The following MYO1H variants were observed in gnomAD, a reference collection of about 807,000 sequenced individuals.
MYO1H encodes the protein myosin IH.
MYO1H carries 118 observed loss-of-function variants against 149.3 expected under a neutral mutation model. The ratio of observed to expected loss-of-function variants is 0.79; its 90% CI spans 0.68 to 0.92. The LOEUF (loss-of-function observed/expected upper bound fraction) is 0.92. Ranked by LOEUF, MYO1H falls within the 40% of genes least tolerant of loss-of-function variation. The probability of loss-of-function intolerance (pLI) is 0.00; values close to 1 mark genes in which losing one functional copy is unlikely to be tolerated. For missense variants in MYO1H, 1,212 were observed against 1,280.7 expected, an observed-to-expected ratio of 0.95 and a Z score of 0.82; for synonymous variants, 447 against 465.2, an observed-to-expected ratio of 0.96 and a Z score of 0.50.
rs773752606 is a variant in MYO1H at position 109,421,041 on chromosome 12, T to C, written c.1644+14T>C. On this transcript the variant is annotated intron_variant, in intron 16 of 31. Coordinates refer to ENST00000310903, the Ensembl canonical transcript of MYO1H. ...CATCTGAAAGAAGTAAGTCTGACAC[T>C]TAACTGTATGTGTTTCTGATTATTT... The C allele has an allele frequency of 6.6e-7, 1 of 1,506,154 alleles. No homozygotes were observed. Among genetic ancestry groups the C allele is most frequent in the African/African-American group, 1.4e-5 (1 of 72,594 alleles). The allele number at this position is 1,506,154 out of a possible 1,614,324, so 93.3% of individuals were successfully genotyped here. A position where few individuals can be genotyped will look rare whatever the true frequency, so the allele number is the denominator to read the frequency against.
At chr12:109,412,110 C>A in intron 14 of MYO1H, 125 bp downstream of exon 14, 2 of 624,040 alleles carry the variant, frequency 3.2e-6, no homozygotes, top group South Asian at 2.1e-5. Flanking sequence ...TTTATGTATA[C>A]CACTCATAGA....
intron 1 of MYO1H, among the ~76,000 whole-genome samples, chr12:109,355,344 T>C (rs1868564553): frequency 6.6e-6 from 1 of 152,182 alleles, no homozygotes; most frequent in Admixed American, 6.5e-5. Context: ...TGGGTCATAT[T>C]CACACCCATG....
rs532242822 is a variant in MYO1H at position 109,401,048 on chromosome 12, T to C, written c.571-45T>C. 2.0e-4 allele frequency: 316 copies of C among 1,552,188 alleles called. 4 individuals carry two copies. The South Asian group carries it at 3.4e-3, about 17-fold the overall frequency. ...CCATCAGGAGATGCCAGGAAGAGAG[T>C]GGTTTGATTGTTGTCACTGCTGCAA... On this transcript the variant is annotated intron_variant, in intron 5 of 31. Transcript: ENST00000310903.
chr12:109,336,059 C>T, the MYO1H span, among the ~76,000 whole-genome samples: 1 of 150,682 alleles, frequency 6.6e-6, no homozygotes, highest in Non-Finnish European at 1.5e-5. Context: ...TGGCTCACTG[C>T]ATCCTCAAAC....
chr12:109,410,417 C>T (rs7302765), intron 12 of MYO1H, among the ~76,000 whole-genome samples: 28,884 of 152,118 alleles, frequency 0.19, 4,289 homozygotes, highest in African/African-American at 0.42. Flanking sequence ...ACTGGGATTA[C>T]AGGTGTGAGC....
intron 2 of MYO1H, among the ~76,000 whole-genome samples, chr12:109,392,715 C>CA (rs988268005): frequency 5.3e-5 from 8 of 151,516 alleles, no homozygotes; most frequent in Admixed American, 1.3e-4. Context: ...GACTCTGTCT[C>CA]AAAAAAAAGA....
At chr12:109,403,739 C>G (rs1024976460) in intron 6 of MYO1H, among the ~76,000 whole-genome samples, 15 of 152,118 alleles carry the variant, frequency 9.9e-5, no homozygotes, top group Admixed American at 2.0e-4. Context: ...AAAAGATACA[C>G]CACTTACATG....
chr12:109,414,963 C>T (rs1870842658), intron 14 of MYO1H, among the ~76,000 whole-genome samples: 1 of 152,142 alleles, frequency 6.6e-6, no homozygotes, highest in South Asian at 2.1e-4. Context: ...CCTCCTGCCT[C>T]AGCCTCCCAA....
chr12:109,446,893 C>T (rs1292464847), intron 31 of MYO1H, among the ~76,000 whole-genome samples: 5 of 152,222 alleles, frequency 3.3e-5, no homozygotes, highest in Non-Finnish European at 5.9e-5. Flanking sequence ...TACACACTGT[C>T]TTAAAAGTGA....
chr12:109,387,694 A>G (rs1869413354), intron 1 of MYO1H, among the ~76,000 whole-genome samples: 1 of 152,226 alleles, frequency 6.6e-6, no homozygotes, highest in Non-Finnish European at 1.5e-5. Context: ...GTGTGCCCAG[A>G]GCACATAGTC....
chr12:109,406,500 A>T (rs75108637), intron 8 of MYO1H, among the ~76,000 whole-genome samples: 2 of 129,056 alleles, frequency 1.5e-5, no homozygotes, highest in African/African-American at 2.8e-5. Flanking sequence ...AAAAAAAAAA[A>T]TTAGCTATGA....
chr12:109,428,072 A>T (rs1487723199), intron 19 of MYO1H, among the ~76,000 whole-genome samples: 3 of 148,040 alleles, frequency 2.0e-5, no homozygotes, highest in African/African-American at 7.4e-5. Context: ...GGGTGACAGA[A>T]TGAGAACCAT....
At chr12:109,314,262 T>A in the MYO1H span, among the ~76,000 whole-genome samples, 1 of 151,636 alleles carries the variant, frequency 6.6e-6, no homozygotes, top group Admixed American at 6.6e-5. Context: ...GGCTGTCTCT[T>A]GGCTGGTATT....
intron 5 of MYO1H, among the ~76,000 whole-genome samples, chr12:109,398,207 C>T (rs533301104): frequency 1.3e-4 from 19 of 151,362 alleles, no homozygotes; most frequent in African/African-American, 4.4e-4. Flanking sequence ...GATATCGCTA[C>T]AGATGCGTAA....
intron 10 of MYO1H, among the ~76,000 whole-genome samples, chr12:109,408,581 C>T (rs563204163): frequency 2.9e-4 from 44 of 152,150 alleles, no homozygotes; most frequent in African/African-American, 1.0e-3. Flanking sequence ...GCTTCAGTCA[C>T]GTTTCCTTTT....
At chr12:109,401,960 A>C (rs1253198219) in intron 6 of MYO1H, among the ~76,000 whole-genome samples, 1 of 152,030 alleles carries the variant, frequency 6.6e-6, no homozygotes, top group East Asian at 1.9e-4. Context: ...GGCTGGTCTC[A>C]AACTCCTGAG....
chr12:109,438,654 A>G (rs1871977071), intron 23 of MYO1H, 34 bp downstream of exon 23: 1 of 1,504,860 alleles, frequency 6.6e-7, no homozygotes, highest in African/African-American at 1.4e-5. Context: ...AGGACAGGTC[A>G]CTAAATGCTG....
chr12:109,431,146 G>A (rs183248631), intron 19 of MYO1H, among the ~76,000 whole-genome samples: 5 of 152,018 alleles, frequency 3.3e-5, no homozygotes, highest in Admixed American at 6.6e-5. Flanking sequence ...TTGGGAGGCC[G>A]AAGTGGGTGG....
chr12:109,422,110 C>T (rs1458755886), intron 16 of MYO1H, among the ~76,000 whole-genome samples: 1 of 152,166 alleles, frequency 6.6e-6, no homozygotes, highest in South Asian at 2.1e-4. Context: ...TGAGCCACTG[C>T]GCCATGCCTA....
Sources: gnomAD v4.1 joint callset for allele counts (sites outside exome capture counted in the v4.1 genomes callset) on GRCh38, gnomAD v4.1.1 for gene constraint, MANE v1.5 for transcripts, NCBI Gene and HGNC (gene_info 2026-07-23, HGNC 2026-07-21) for gene names.